Variants in PDE10A observed in about 807,000 individuals in gnomAD.
The protein encoded by PDE10A is phosphodiesterase 10A.
Under a neutral mutation model 97.7 loss-of-function variants are expected in PDE10A, and 39 were observed. The ratio of observed to expected loss-of-function variants is 0.40; its 90% CI spans 0.31 to 0.52. PDE10A has a LOEUF of 0.52. Among genes scored for constraint, PDE10A ranks in the 20% least tolerant of loss-of-function variants. PDE10A has a pLI of 0.56. For synonymous variants in PDE10A, 371 were observed against 376.8 expected, an observed-to-expected ratio of 0.98 and a Z score of 0.18; for missense variants, 731 against 1,047.8, an observed-to-expected ratio of 0.70 and a Z score of 4.17.
intron 1 of PDE10A, among the ~76,000 whole-genome samples, chr6:165,646,536 G>A (rs1003005861): frequency 2.6e-5 from 4 of 152,176 alleles, no homozygotes; most frequent in African/African-American, 7.2e-5. Context: ...CAAAATACAC[G>A]TCTCCAAGTG....
At chr6:165,412,326 T>C (rs1024639153) in intron 13 of PDE10A, among the ~76,000 whole-genome samples, 4 of 152,202 alleles carry the variant, frequency 2.6e-5, no homozygotes, top group African/African-American at 7.2e-5. Flanking sequence ...TATTATAATA[T>C]GTATCAAGCT....
intron 2 of PDE10A, among the ~76,000 whole-genome samples, chr6:165,530,925 A>G (rs188657259): frequency 1.3e-5 from 2 of 152,318 alleles, no homozygotes; most frequent in East Asian, 1.9e-4. Flanking sequence ...AAACCTTTCA[A>G]TAACTTGACA....
chr6:165,734,525 A>G (rs931153098), intron 1 of PDE10A, among the ~76,000 whole-genome samples: 1 of 152,256 alleles, frequency 6.6e-6, no homozygotes, highest in Admixed American at 6.5e-5. Flanking sequence ...TTTGAAGAAA[A>G]GAACAGGCAG....
intron 17 of PDE10A, among the ~76,000 whole-genome samples, chr6:165,386,192 C>T (rs768227746): frequency 1.4e-4 from 22 of 152,280 alleles, no homozygotes; most frequent in Non-Finnish European, 2.9e-4. Context: ...CACCCTAAAC[C>T]TCCATTTTTG....
upstream of PDE10A, among the ~76,000 whole-genome samples, chr6:165,664,147 G>T (rs1034500721): frequency 6.6e-6 from 1 of 152,212 alleles, no homozygotes; most frequent in Admixed American, 6.5e-5. Context: ...CAGCTTTCAC[G>T]AAGGGCAAAA....
chr6:165,790,417 G>A (rs980288317), intron 1 of PDE10A, among the ~76,000 whole-genome samples: 9 of 152,184 alleles, frequency 5.9e-5, no homozygotes, highest in African/African-American at 2.2e-4. Flanking sequence ...GGGGGAGGAA[G>A]TCTCTTTTTA....
At chr6:165,767,662 A>G (rs928883059) in intron 1 of PDE10A, among the ~76,000 whole-genome samples, 1 of 152,186 alleles carries the variant, frequency 6.6e-6, no homozygotes, top group Non-Finnish European at 1.5e-5. Context: ...TTCTATGGAT[A>G]TATTTTGTTT....
At chr6:165,825,711 G>C (rs1225451607) in intron 1 of PDE10A, among the ~76,000 whole-genome samples, 1 of 152,228 alleles carries the variant, frequency 6.6e-6, no homozygotes, top group Non-Finnish European at 1.5e-5. Context: ...CATGGCTCCT[G>C]TGCCTTGGGA....
chr6:165,689,299 C>T (rs1296590455), intron 1 of PDE10A, among the ~76,000 whole-genome samples: 5 of 152,182 alleles, frequency 3.3e-5, no homozygotes, highest in African/African-American at 9.6e-5. Flanking sequence ...TTGTTTCCAA[C>T]ATTTTTGTGT....
rs76159240 is a variant in PDE10A at position 165,863,171 on chromosome 6, C to T, written c.-615+124358G>A. Among the ~76,000 whole-genome samples the T allele has an allele frequency of 8.1e-3, 1,232 of 152,288 alleles. 6 individuals carry two copies. The highest frequency in any genetic ancestry group is 0.014 in the Non-Finnish European group (953 of 68,032). On this transcript the variant is annotated intron_variant, in intron 1 of 19. Transcript: ENST00000366882. ...TCTCAGGAGGAGCTGCCAACCACAC[C>T]GTGAGGACCTTGCTCCAGGTGGTCT...
intron 1 of PDE10A, among the ~76,000 whole-genome samples, chr6:165,837,486 T>A (rs913513443): frequency 1.3e-5 from 2 of 152,178 alleles, no homozygotes; most frequent in African/African-American, 4.8e-5. Context: ...GTTGGCTCTA[T>A]GTTTAATCTT....
At chr6:165,931,074 T>C (rs769687684) in intron 1 of PDE10A, among the ~76,000 whole-genome samples, 1 of 152,236 alleles carries the variant, frequency 6.6e-6, no homozygotes, top group East Asian at 1.9e-4. Context: ...ATTTCAAATA[T>C]GACTTGATTG....
chr6:165,630,131 C>CT (rs1788565120), intron 1 of PDE10A, among the ~76,000 whole-genome samples: 3 of 152,182 alleles, frequency 2.0e-5, no homozygotes, highest in Non-Finnish European at 4.4e-5. Flanking sequence ...GTGAACTGCA[C>CT]TGAGCTCAGG....
intron 1 of PDE10A, among the ~76,000 whole-genome samples, chr6:165,833,939 A>C (rs970397852): frequency 2.0e-5 from 3 of 152,240 alleles, no homozygotes; most frequent in Non-Finnish European, 4.4e-5. Flanking sequence ...GGTAATTCAC[A>C]GCAGTCTGCC....
intron 1 of PDE10A, among the ~76,000 whole-genome samples, chr6:165,586,970 C>G (rs1785950990): frequency 6.6e-6 from 1 of 152,120 alleles, no homozygotes; most frequent in Non-Finnish European, 1.5e-5. Flanking sequence ...AGCAAAACTT[C>G]AGGTGGCAGC....
At chr6:165,615,843 G>T (rs1258571240) in intron 1 of PDE10A, among the ~76,000 whole-genome samples, 1 of 152,056 alleles carries the variant, frequency 6.6e-6, no homozygotes, top group Non-Finnish European at 1.5e-5. Context: ...TCATTTTCTG[G>T]TTCCTATGAT....
intron 1 of PDE10A, among the ~76,000 whole-genome samples, chr6:165,563,209 GA>G (rs1249933782): frequency 1.9e-4 from 23 of 119,372 alleles, no homozygotes; most frequent in Non-Finnish European, 3.5e-4. Context: ...AGGGAGGGGG[GA>G]AAAAGAAAAA....
intron 1 of PDE10A, among the ~76,000 whole-genome samples, chr6:165,726,044 A>G (rs1490731947): frequency 6.6e-6 from 1 of 152,196 alleles, no homozygotes; most frequent in Non-Finnish European, 1.5e-5. Flanking sequence ...TAGAAATAAA[A>G]GCTCTACTTC....
At chr6:165,929,572 C>T (rs1783058550) in intron 1 of PDE10A, among the ~76,000 whole-genome samples, 1 of 152,208 alleles carries the variant, frequency 6.6e-6, no homozygotes, top group Non-Finnish European at 1.5e-5. Context: ...TGTCCCATGC[C>T]CCAGCTAGCA....
Sources: gnomAD v4.1 joint callset for allele counts (sites outside exome capture counted in the v4.1 genomes callset) on GRCh38, gnomAD v4.1.1 for gene constraint, MANE v1.5 for transcripts, NCBI Gene and HGNC (gene_info 2026-07-23, HGNC 2026-07-21) for gene names.